Variants in PUM1 observed in about 807,000 individuals in gnomAD.
PUM1 encodes the protein pumilio RNA binding family member 1.
A neutral mutation model predicts 131.8 loss-of-function variants in PUM1; 13 were observed. That is an observed-to-expected ratio of 0.10 (90% confidence interval 0.06 to 0.16). PUM1 has a LOEUF of 0.16. PUM1 is among the 10% of genes least tolerant of loss of function. The pLI is 1.00. For synonymous variants in PUM1, 509 were observed against 556.5 expected (o/e 0.91, Z 1.20); for missense variants, 961 against 1,512.4 (o/e 0.64, Z 6.05).
At chr1:31,022,258 G>C (rs1030357513) in intron 3 of PUM1, among the ~76,000 whole-genome samples, 1 of 152,150 alleles carries the variant, frequency 6.6e-6, no homozygotes, top group African/African-American at 2.4e-5. Context: ...ATATTGAAAA[G>C]TGTTACCATT....
intron 10 of PUM1, among the ~76,000 whole-genome samples, chr1:30,972,753 A>G (rs1013682257): frequency 2.0e-5 from 3 of 150,692 alleles, no homozygotes; most frequent in South Asian, 2.1e-4. Context: ...CCTGGGCAAT[A>G]GAACTAGACT....
At chr1:31,020,184 G>A (rs1160340628) in intron 3 of PUM1, among the ~76,000 whole-genome samples, 1 of 152,138 alleles carries the variant, frequency 6.6e-6, no homozygotes, top group Non-Finnish European at 1.5e-5. Flanking sequence ...CTGTTCCAGT[G>A]ATTAATTCAC....
At chr1:31,054,535 T>TAAAAAAA (rs555867693) in intron 2 of PUM1, among the ~76,000 whole-genome samples, 1 of 83,398 alleles carries the variant, frequency 1.2e-5, no homozygotes, top group African/African-American at 3.8e-5. Flanking sequence ...AAAGGGCCAC[T>TAAAAAAA]AAAAAAAAAA....
At chr1:30,966,402 T>C in intron 12 of PUM1, 124 bp from the exon 13 acceptor site, 6 of 961,570 alleles carry the variant, frequency 6.2e-6, no homozygotes, top group South Asian at 1.8e-5. Context: ...ACACAAACCA[T>C]ACAAATCTGT....
chr1:31,036,519 C>T (rs74063623), intron 2 of PUM1, among the ~76,000 whole-genome samples: 2,431 of 152,252 alleles, frequency 0.016, 72 homozygotes, highest in African/African-American at 0.055. Flanking sequence ...AGTTCAAGAT[C>T]AGCCTGGGCA....
intron 17 of PUM1, among the ~76,000 whole-genome samples, chr1:30,947,210 AG>A (rs1254539075): frequency 1.3e-5 from 2 of 152,252 alleles, no homozygotes; most frequent in Admixed American, 6.5e-5. Context: ...CCACTATATC[AG>A]TAAACCAAAC....
chr1:30,995,253 G>A (rs1570232707), intron 5 of PUM1, 33 bp from the exon 6 acceptor site: 15 of 1,611,092 alleles, frequency 9.3e-6, no homozygotes, highest in Middle Eastern at 3.3e-4. Flanking sequence ...TTCACTAATC[G>A]TCATCAACTA....
intron 2 of PUM1, among the ~76,000 whole-genome samples, chr1:31,038,986 T>TATACATATATATA: frequency 3.6e-5 from 1 of 27,464 alleles, no homozygotes; most frequent in Non-Finnish European, 5.4e-5. Flanking sequence ...ATATATATAT[T>TATACATATATATA]TTTTTTTTTT....
At chr1:31,050,930 CTT>C (rs926758063) in intron 2 of PUM1, 6 of 246,630 alleles carry the variant, frequency 2.4e-5, no homozygotes, top group Admixed American at 7.2e-5. Context: ...GGTTCTCTCT[CTT>C]GTTGCGTATG....
At chr1:31,007,226 G>C in intron 3 of PUM1, 124 bp from the exon 4 acceptor site, 2 of 695,550 alleles carry the variant, frequency 2.9e-6, no homozygotes, top group African/African-American at 1.8e-5. Flanking sequence ...TTTAATTAAA[G>C]TGTTCCAACT....
chr1:30,954,572 C>T (rs1640071934), intron 14 of PUM1, among the ~76,000 whole-genome samples: 1 of 152,136 alleles, frequency 6.6e-6, no homozygotes, highest in Non-Finnish European at 1.5e-5. Flanking sequence ...GAGTACAAGA[C>T]AGGAGATGCC....
chr1:31,022,100 GAA>G (rs1643049331), intron 3 of PUM1, among the ~76,000 whole-genome samples: 45 of 149,734 alleles, frequency 3.0e-4, no homozygotes, highest in Admixed American at 3.0e-3. Flanking sequence ...AACAGAATTT[GAA>G]GATAATCCCC....
In PUM1 at chr1:30,986,289, C is replaced by T. The variant is rs1641556426; in HGVS notation, c.1159-4884G>A. Among the ~76,000 whole-genome samples the T allele has an allele frequency of 5.9e-5, 9 of 152,092 alleles. 1 individual carries two copies. Among genetic ancestry groups the T allele is most frequent in the Admixed American group, 5.2e-4 (8 of 15,278 alleles). On this transcript the variant is annotated intron_variant, in intron 7 of 21. Transcript: ENST00000426105. Reference sequence around the variant, plus strand: ...TAAAAATAAAATAGCTGCCCTACCTCGTGGGGTTGTTTTCAGGGTTCACAG... The same window carrying T: ...TAAAAATAAAATAGCTGCCCTACCTTGTGGGGTTGTTTTCAGGGTTCACAG...
At position 30,995,101 on chromosome 1, in the gene PUM1, A is replaced by T; in HGVS notation, c.840T>A (p.Asn280Lys). ...CAATCCCATTCTGCACTGGTAAACCATTGGTCTTGTCCATCACATCACCCT... is the reference window on the plus strand; with the variant it reads ...CAATCCCATTCTGCACTGGTAAACCTTTGGTCTTGTCCATCACATCACCCT... ...KEEGDVMDKTNGLPVQNGIDA... is the reference protein window; with the variant it reads ...KEEGDVMDKTKGLPVQNGIDA... The change falls in exon 6 of 22, where the codon AAT (asparagine) becomes AAA (lysine). Residue 280 changes from asparagine (N) to lysine (K), a missense_variant. By Grantham distance (94) the Asn-to-Lys change is moderately conservative. This residue lies in a region of PUM1 where 654 missense variants were observed against 923.9 expected (regional missense o/e 0.71). Coordinates refer to ENST00000426105, the MANE Select transcript of PUM1 (RefSeq NM_001020658.2). The T allele has an allele frequency of 6.2e-7, 1 of 1,614,196 alleles. No individual in the cohort carries two copies. The highest frequency in any genetic ancestry group is 8.5e-7 in the Non-Finnish European group (1 of 1,180,016).
chr1:31,033,662 A>C (rs994802821), intron 2 of PUM1, among the ~76,000 whole-genome samples: 26 of 151,684 alleles, frequency 1.7e-4, no homozygotes, highest in African/African-American at 6.3e-4. Context: ...CACCACGCCC[A>C]GCCCATTTTA....
At chr1:31,049,383 G>A (rs1644052086) in intron 2 of PUM1, among the ~76,000 whole-genome samples, 1 of 152,028 alleles carries the variant, frequency 6.6e-6, no homozygotes, top group Non-Finnish European at 1.5e-5. Flanking sequence ...GGGCATGGTA[G>A]CATGTGCCGG....
At chr1:31,056,074 C>T (rs184290674) in intron 2 of PUM1, among the ~76,000 whole-genome samples, 3 of 152,272 alleles carry the variant, frequency 2.0e-5, no homozygotes, top group Admixed American at 2.0e-4. Context: ...TGATTTCCTG[C>T]TACAGGTAGA....
Position 30,952,140 on chromosome 1 carries a change from C to A in PUM1, c.2721+94G>T, listed in dbSNP as rs532240659. 5.4e-4 allele frequency: 673 copies of A among 1,247,810 alleles called. 16 individuals carry two copies. The South Asian group carries it at 7.9e-3, about 15-fold the overall frequency. The allele number at this position is 1,247,810 out of a possible 1,614,324, so 77.3% of individuals were successfully genotyped here. ...GACCACACACCCTTCATTCTGAGGA[C>A]TGGAATGGGACTGCTATGCTTAAAA... is the stretch of plus-strand genomic sequence containing the variant. On this transcript the variant is annotated intron_variant, in intron 16 of 21. Coordinates refer to ENST00000426105, the MANE Select transcript of PUM1 (RefSeq NM_001020658.2).
Position 30,942,023 on chromosome 1 carries a change from T to C in PUM1, c.3095A>G (p.His1032Arg). 2 of 1,586,556 alleles carry C rather than the reference T, an allele frequency of 1.3e-6. No individual in the cohort carries two copies. Among genetic ancestry groups the C allele is most frequent in the Non-Finnish European group, 1.7e-6 (2 of 1,162,966 alleles). ...CTGTACAAGCTGCTCTGTGTGCTGG[T>C]GAAGCTCCTCTAAAATAGGGAGTGT... is the stretch of plus-strand genomic sequence containing the variant. ...DQTLPILEEL[H>R]QHTEQLVQDQ... is the part of the protein sequence containing the mutation. Residue 1032 changes from histidine (H) to arginine (R), a missense_variant, in exon 19 of 22, where the codon CAC becomes CGC. His to Arg is a conservative substitution (Grantham distance 29). Transcript: ENST00000426105.
Sources: allele counts gnomAD v4.1 joint callset (sites outside exome capture counted in the v4.1 genomes callset), GRCh38; gene constraint gnomAD v4.1.1; regional missense constraint gnomAD v4.1.1; transcripts MANE v1.5; gene names NCBI Gene and HGNC (gene_info 2026-07-23, HGNC 2026-07-21).